EMCN: variants seen among roughly 807,000 people sequenced by gnomAD.
EMCN encodes the protein MUC-14.
A neutral mutation model predicts 38.4 loss-of-function variants in EMCN; 37 were observed. The ratio of observed to expected loss-of-function variants is 0.96; its 90% confidence interval spans 0.74 to 1.27. The LOEUF (loss-of-function observed/expected upper bound fraction) is 1.27. Ranked by LOEUF, EMCN falls within the 50% of genes most tolerant of loss-of-function variation. The probability of loss-of-function intolerance (pLI) is 0.00; values close to 1 mark genes in which losing one functional copy is unlikely to be tolerated. For synonymous variants in EMCN, 95 were observed against 100.8 expected (o/e 0.94, Z 0.35); for missense variants, 318 against 302.8 (o/e 1.05, Z -0.37).
At chr4:100,514,268 C>T (rs1437650427) in intron 1 of EMCN, among the ~76,000 whole-genome samples, 2 of 152,036 alleles carry the variant, frequency 1.3e-5, no homozygotes, top group Non-Finnish European at 2.9e-5. Flanking sequence ...CTAATCTCTG[C>T]TCCCAAGCCA....
intron 4 of EMCN, among the ~76,000 whole-genome samples, chr4:100,454,170 T>C (rs894860376): frequency 7.0e-6 from 1 of 142,410 alleles, no homozygotes; most frequent in Admixed American, 7.2e-5. Flanking sequence ...ACTTAAAGTA[T>C]AATAATAATA....
intron 4 of EMCN, among the ~76,000 whole-genome samples, chr4:100,463,466 T>C (rs1032353236): frequency 6.6e-6 from 1 of 152,172 alleles, no homozygotes; most frequent in Admixed American, 6.6e-5. Flanking sequence ...ATCATTTTCT[T>C]TCCTTCTGTT....
chr4:100,446,001 A>C (rs762975438), intron 5 of EMCN: 3 of 906,806 alleles, frequency 3.3e-6, no homozygotes, highest in Non-Finnish European at 2.6e-6. Flanking sequence ...AAATCAATTA[A>C]ACTTATAGCT....
rs1051983296 is a variant in EMCN, at chr4:100,502,804, C to T, written c.64+15047G>A. On this transcript the variant is annotated intron_variant, in intron 1 of 11. Transcript: ENST00000296420. ...TTATCAGCAATAAATATTAAATGTG[C>T]AGAAGTGTTTTTTCTGCTTCAATGA... 2.6e-5 allele frequency among the ~76,000 whole-genome samples: 4 copies of T among 152,162 alleles called. No homozygotes were observed. In the South Asian group the frequency reaches 6.2e-4, roughly 24 times the overall value.
chr4:100,473,092 G>T (rs1189696783), intron 3 of EMCN, among the ~76,000 whole-genome samples: 2 of 146,898 alleles, frequency 1.4e-5, no homozygotes, highest in African/African-American at 5.0e-5. Flanking sequence ...TCGGCTCACT[G>T]CAACCTCCAC....
At chr4:100,501,817 A>G (rs924461542) in intron 1 of EMCN, among the ~76,000 whole-genome samples, 1 of 150,224 alleles carries the variant, frequency 6.7e-6, no homozygotes, top group South Asian at 2.1e-4. Flanking sequence ...CATAAACTTT[A>G]TATACAGAGA....
chr4:100,485,823 C>A (rs781771393), intron 1 of EMCN, among the ~76,000 whole-genome samples: 2 of 151,868 alleles, frequency 1.3e-5, no homozygotes, highest in Non-Finnish European at 2.9e-5. Context: ...CAAATTTTTT[C>A]AGTTAAAAGA....
chr4:100,479,806 T>C, intron 2 of EMCN, 111 bp downstream of exon 2: 2 of 931,164 alleles, frequency 2.1e-6, no homozygotes, highest in Non-Finnish European at 3.1e-6. Context: ...AGCACTGACC[T>C]TTATAACAAT....
At chr4:100,489,400 A>G (rs1274730115) in intron 1 of EMCN, among the ~76,000 whole-genome samples, 1 of 152,174 alleles carries the variant, frequency 6.6e-6, no homozygotes, top group Non-Finnish European at 1.5e-5. Flanking sequence ...TTCCACAATG[A>G]TGGTAGTAAT....
intron 1 of EMCN, among the ~76,000 whole-genome samples, chr4:100,515,597 T>G (rs555514262): frequency 2.0e-4 from 30 of 152,238 alleles, no homozygotes; most frequent in Admixed American, 6.5e-4. Context: ...TATTTAGGAA[T>G]AAATTACTAC....
intron 1 of EMCN, among the ~76,000 whole-genome samples, chr4:100,509,527 C>A (rs1729569817): frequency 6.6e-6 from 1 of 152,108 alleles, no homozygotes; most frequent in Non-Finnish European, 1.5e-5. Context: ...GTAGGAGTGG[C>A]CTTTGTATCC....
intron 5 of EMCN, among the ~76,000 whole-genome samples, chr4:100,430,442 T>C (rs1241709001): frequency 6.6e-6 from 1 of 152,170 alleles, no homozygotes; most frequent in Non-Finnish European, 1.5e-5. Context: ...TTTTTTCTTA[T>C]CAAAACAAGC....
intron 1 of EMCN, among the ~76,000 whole-genome samples, chr4:100,485,748 G>A (rs1206849491): frequency 6.6e-6 from 1 of 151,950 alleles, no homozygotes; most frequent in East Asian, 1.9e-4. Flanking sequence ...GTACACTAAT[G>A]GTGCTCCTTC....
chr4:100,455,384 T>C (rs1727981342), intron 4 of EMCN, among the ~76,000 whole-genome samples: 1 of 152,126 alleles, frequency 6.6e-6, no homozygotes, highest in Non-Finnish European at 1.5e-5. Context: ...ATGTTCTTCA[T>C]GCCTTTATTT....
At chr4:100,457,445 T>C (rs534252709) in intron 4 of EMCN, among the ~76,000 whole-genome samples, 1 of 152,328 alleles carries the variant, frequency 6.6e-6, no homozygotes, top group African/African-American at 2.4e-5. Flanking sequence ...ACTTTTCATA[T>C]ATGAACTTTA....
Position 100,421,316 on chromosome 4 carries a change from C to G in EMCN, c.630G>C (p.Val210=). 2 of 1,612,864 alleles carry G rather than the reference C, an allele frequency of 1.2e-6. No individual in the cohort carries two copies. The highest frequency in any genetic ancestry group is 1.3e-5 in the African/African-American group (1 of 74,944). ...CCTTCCAGCACATTCGGTACAAACC[C>G]ACCAGAACAAATACTGAAAGTGTTA... ...IVITLSVFVL[V]GLYRMCWKAD... The change falls in exon 8 of 12, where the codon GTG becomes GTC. Residue 210 remains valine, a synonymous_variant. Transcript: ENST00000296420.
At chr4:100,493,217 C>T (rs72910813) in intron 1 of EMCN, among the ~76,000 whole-genome samples, 3,245 of 152,238 alleles carry the variant, frequency 0.021, 113 homozygotes, top group African/African-American at 0.074. Context: ...TTAATCTCCT[C>T]CCTAACTCAT....
At chr4:100,432,356 G>C (rs758481793) in intron 5 of EMCN, among the ~76,000 whole-genome samples, 4 of 151,912 alleles carry the variant, frequency 2.6e-5, no homozygotes, top group African/African-American at 7.3e-5. Context: ...TCTTACATAA[G>C]ATTATCTGAA....
intron 1 of EMCN, among the ~76,000 whole-genome samples, chr4:100,497,019 T>C (rs994069226): frequency 4.0e-5 from 6 of 151,886 alleles, no homozygotes; most frequent in African/African-American, 1.2e-4. Flanking sequence ...CCTTAAGAAC[T>C]GTATTAGCAT....
Sources: allele counts gnomAD v4.1 joint callset (sites outside exome capture counted in the v4.1 genomes callset), GRCh38; gene constraint gnomAD v4.1.1; transcripts MANE v1.5; gene names NCBI Gene and HGNC (gene_info 2026-07-23, HGNC 2026-07-21).